RAB33A: variants seen among roughly 807,000 people sequenced by gnomAD.
RAB33A encodes ras-related protein Rab-33A.
RAB33A carries 6 observed loss-of-function variants against 12.0 expected under a neutral mutation model. The observed-to-expected ratio is 0.50, with a 90% confidence interval of 0.27 to 0.99. The LOEUF is 0.99. RAB33A is among the 50% of genes least tolerant of loss of function. The pLI, the probability that RAB33A is intolerant of heterozygous loss-of-function variation, is 0.11. For synonymous variants in RAB33A, 70 were observed against 82.4 expected, an observed-to-expected ratio of 0.85 and a Z score of 0.81; for missense variants, 109 against 192.0, an observed-to-expected ratio of 0.57 and a Z score of 2.55.
At chrX:130,174,795 A>G (rs2124685869) in intron 1 of RAB33A, among the ~76,000 whole-genome samples, 1 of 110,956 alleles carries the variant, frequency 9.0e-6, no homozygotes, top group South Asian at 3.8e-4. Flanking sequence ...TAGCACATAC[A>G]TGAACCCCTG....
chrX:130,141,501 C>T, the RAB33A span, among the ~76,000 whole-genome samples: 1 of 111,996 alleles, frequency 8.9e-6, no homozygotes, highest in Non-Finnish European at 1.9e-5. Flanking sequence ...GTAGCCTTCA[C>T]GGAAACTTGG....
the RAB33A span, among the ~76,000 whole-genome samples, chrX:130,161,305 G>A: frequency 9.1e-6 from 1 of 110,123 alleles, no homozygotes; most frequent in South Asian, 3.9e-4. Flanking sequence ...GAGGTCAGGA[G>A]TTCGAGACCA....
chrX:130,159,996 A>AT, the RAB33A span, among the ~76,000 whole-genome samples: 3 of 110,066 alleles, frequency 2.7e-5, no homozygotes, highest in Non-Finnish European at 5.7e-5. Context: ...TAATTTTTCT[A>AT]TTTTTTGTAG....
At chrX:130,117,058 C>CA in the RAB33A span, among the ~76,000 whole-genome samples, 3 of 111,301 alleles carry the variant, frequency 2.7e-5, no homozygotes, top group African/African-American at 6.5e-5. Flanking sequence ...TTAAAAAATA[C>CA]AAAAAATTAG....
At chrX:130,158,656 T>C in the RAB33A span, among the ~76,000 whole-genome samples, 1 of 95,533 alleles carries the variant, frequency 1.0e-5, no homozygotes, top group Non-Finnish European at 2.0e-5. Context: ...AGAAGAATTG[T>C]CCTGGGCCAC....
At chrX:130,183,727 A>G (rs903696471) in intron 1 of RAB33A, among the ~76,000 whole-genome samples, 2 of 111,728 alleles carry the variant, frequency 1.8e-5, no homozygotes, top group Non-Finnish European at 3.8e-5. Flanking sequence ...TGACCAATTT[A>G]CATCCAGTTT....
At chrX:130,133,549 G>T in the RAB33A span, 1 of 1,037,271 alleles carries the variant, frequency 9.6e-7, no homozygotes, top group Non-Finnish European at 1.3e-6. Context: ...AAGAACACTT[G>T]TAATGGTAAC....
upstream of RAB33A, among the ~76,000 whole-genome samples, chrX:130,167,969 G>A (rs775567374): frequency 8.6e-4 from 94 of 109,316 alleles, no homozygotes; most frequent in Non-Finnish European, 1.4e-3. Context: ...TTGAGGCCAG[G>A]AGTTCCAGAC....
chrX:130,138,937 C>G, the RAB33A span, among the ~76,000 whole-genome samples: 2 of 111,490 alleles, frequency 1.8e-5, no homozygotes, highest in Admixed American at 1.9e-4. Flanking sequence ...AGGAGGACAT[C>G]TGGCAATATC....
the RAB33A span, among the ~76,000 whole-genome samples, chrX:130,112,543 G>A: frequency 5.4e-5 from 6 of 112,054 alleles, no homozygotes; most frequent in Non-Finnish European, 9.4e-5. Context: ...AACTCTCTGA[G>A]CCTCACTTTT....
At chrX:130,176,196 G>A (rs1441207049) in intron 1 of RAB33A, among the ~76,000 whole-genome samples, 2 of 112,008 alleles carry the variant, frequency 1.8e-5, no homozygotes, top group Non-Finnish European at 3.8e-5. Context: ...TGACTATGAT[G>A]TGTCTGTCAC....
chrX:130,131,727 A>C, the RAB33A span: 1 of 1,211,917 alleles, frequency 8.3e-7, no homozygotes. Context: ...CTTTTGCAAA[A>C]ACACCAACTG....
the RAB33A span, among the ~76,000 whole-genome samples, chrX:130,138,951 A>C: frequency 9.0e-6 from 1 of 111,404 alleles, no homozygotes; most frequent in Non-Finnish European, 1.9e-5. Flanking sequence ...CAATATCTGA[A>C]GACATTTTTG....
chrX:130,177,368 A>G (rs1325467552), intron 1 of RAB33A, among the ~76,000 whole-genome samples: 1 of 112,461 alleles, frequency 8.9e-6, no homozygotes, highest in African/African-American at 3.2e-5. Context: ...GTGTTATTTC[A>G]CTGGATCATC....
the RAB33A span, chrX:130,137,659 C>A: frequency 6.3e-6 from 7 of 1,103,671 alleles, no homozygotes; most frequent in Non-Finnish European, 8.3e-6. Context: ...TCAAAGACAC[C>A]CATAATTCTG....
the RAB33A span, among the ~76,000 whole-genome samples, chrX:130,119,593 G>A: frequency 2.7e-5 from 3 of 111,461 alleles, no homozygotes; most frequent in Admixed American, 1.9e-4. Flanking sequence ...ACCTTGGGGA[G>A]GGGTCTGGTA....
chrX:130,113,040 T>C, the RAB33A span, among the ~76,000 whole-genome samples: 2 of 106,716 alleles, frequency 1.9e-5, no homozygotes, highest in Admixed American at 2.0e-4. Context: ...ATTTCTCCTT[T>C]CTTTGTGTGT....
At chrX:130,130,408 T>C in the RAB33A span, among the ~76,000 whole-genome samples, 1 of 111,398 alleles carries the variant, frequency 9.0e-6, no homozygotes, top group African/African-American at 3.3e-5. Context: ...ACCCTAAACT[T>C]CCCTCCCTTA....
chrX:130,128,725 G>A, the RAB33A span, among the ~76,000 whole-genome samples: 3 of 112,192 alleles, frequency 2.7e-5, no homozygotes, highest in African/African-American at 6.5e-5. Context: ...AGGAGCTTAA[G>A]AGAGGACAGA....
Sources: gnomAD v4.1 joint callset for allele counts (sites outside exome capture counted in the v4.1 genomes callset) on GRCh38, gnomAD v4.1.1 for gene constraint, MANE v1.5 for transcripts, NCBI Gene and HGNC (gene_info 2026-07-23, HGNC 2026-07-21) for gene names.